DCC: variants seen among roughly 807,000 people sequenced by gnomAD.
The protein encoded by DCC is DCC netrin 1 receptor, also known as netrin receptor DCC.
Under a neutral mutation model 172.5 loss-of-function variants are expected in DCC, and 58 were observed. The observed-to-expected ratio is 0.34, with a 90% CI of 0.27 to 0.42. The LOEUF (loss-of-function observed/expected upper bound fraction) is 0.42, where lower values mean the gene tolerates loss of function less well. Ranked by LOEUF, DCC falls within the 10% of genes least tolerant of loss-of-function variation. The pLI, the probability that DCC is intolerant of heterozygous loss-of-function variation, is 1.00. For synonymous variants in DCC, 709 were observed against 644.5 expected (o/e 1.10, Z -1.52); for missense variants, 1,740 against 1,791.0 (o/e 0.97, Z 0.51).
chr18:52,920,162 G>A (rs1416169521), intron 3 of DCC, among the ~76,000 whole-genome samples: 1 of 151,916 alleles, frequency 6.6e-6, no homozygotes, highest in African/African-American at 2.4e-5. Flanking sequence ...ATTTGGCAAT[G>A]CATTTCTAGG....
At chr18:52,972,784 G>T (rs111554589) in intron 5 of DCC, among the ~76,000 whole-genome samples, 1 of 152,160 alleles carries the variant, frequency 6.6e-6, no homozygotes. Context: ...TGCCATTGAA[G>T]AGAAGACATA....
intron 7 of DCC, among the ~76,000 whole-genome samples, chr18:53,116,786 C>A (rs972187078): frequency 2.6e-5 from 4 of 151,652 alleles, no homozygotes; most frequent in Non-Finnish European, 4.4e-5. Flanking sequence ...ATATTTCTCA[C>A]CTTTTCTTGA....
chr18:53,353,026 G>A (rs897402889), intron 15 of DCC, among the ~76,000 whole-genome samples: 3 of 150,922 alleles, frequency 2.0e-5, no homozygotes, highest in Admixed American at 6.6e-5. Flanking sequence ...ATTTAAAGTG[G>A]GGTGGTTTGA....
At position 52,719,809 on chromosome 18, in the gene DCC, G is replaced by A. The variant is rs146505539; in HGVS notation, c.92-32245G>A. Among the ~76,000 whole-genome samples, 17 of 152,272 alleles carry A rather than the reference G, an allele frequency of 1.1e-4. No homozygotes were observed. The East Asian group carries it at 3.3e-3, about 29-fold the overall frequency. The stretch of plus-strand genomic sequence containing the variant: ...GACTGGAGAATAACACTCCAGGTAG[G>A]CAGAGTGGTGAGTTCAAGGGGCGGG... On this transcript the variant is annotated intron_variant, in intron 1 of 28. Coordinates refer to ENST00000442544, the MANE Select transcript of DCC (RefSeq NM_005215.4).
intron 1 of DCC, among the ~76,000 whole-genome samples, chr18:52,731,379 G>A (rs2036639253): frequency 6.6e-6 from 1 of 152,176 alleles, no homozygotes; most frequent in Non-Finnish European, 1.5e-5. Context: ...GGAAAAAAAT[G>A]CACAAAGAGA....
At chr18:53,108,387 C>T (rs935062057) in intron 7 of DCC, among the ~76,000 whole-genome samples, 1 of 151,770 alleles carries the variant, frequency 6.6e-6, no homozygotes, top group Non-Finnish European at 1.5e-5. Context: ...TGTATCCACA[C>T]ATTTCTACAG....
intron 5 of DCC, among the ~76,000 whole-genome samples, chr18:53,058,074 A>G (rs1431155021): frequency 2.6e-5 from 4 of 152,138 alleles, no homozygotes; most frequent in Admixed American, 2.0e-4. Flanking sequence ...ATGCAATTCC[A>G]GACAGAAATC....
At chr18:53,433,736 T>C (rs1911770674) in intron 21 of DCC, among the ~76,000 whole-genome samples, 1 of 152,142 alleles carries the variant, frequency 6.6e-6, no homozygotes, top group Non-Finnish European at 1.5e-5. Context: ...ATTTTCACAA[T>C]TTCAGCTCAT....
chr18:53,030,831 T>C (rs1014792425), intron 5 of DCC, among the ~76,000 whole-genome samples: 3 of 152,154 alleles, frequency 2.0e-5, no homozygotes, highest in African/African-American at 7.2e-5. Context: ...GGAGAAACAG[T>C]GAAATGAAAT....
At chr18:52,341,894 C>G (rs529083525) in intron 1 of DCC, among the ~76,000 whole-genome samples, 3 of 151,996 alleles carry the variant, frequency 2.0e-5, no homozygotes, top group South Asian at 4.1e-4. Context: ...GAGAGCCCTT[C>G]GGAAACGACC....
chr18:52,769,798 G>T (rs531777150), intron 2 of DCC, among the ~76,000 whole-genome samples: 6 of 152,156 alleles, frequency 3.9e-5, no homozygotes, highest in Admixed American at 3.3e-4. Context: ...TTTTTCTTTT[G>T]CATGATGATG....
At position 53,057,064 on chromosome 18, in the gene DCC, A is replaced by T. The variant is rs2042416309; in HGVS notation, c.986-6241A>T. 2.7e-5 allele frequency among the ~76,000 whole-genome samples: 4 copies of T among 145,868 alleles called. No individual in the cohort carries two copies. The Admixed American group carries it at 2.8e-4, about 10-fold the overall frequency. On this transcript the variant is annotated intron_variant, in intron 5 of 28. Coordinates refer to ENST00000442544, the MANE Select transcript of DCC (RefSeq NM_005215.4). ...CTGGAAAAGAATAGCTGAATAGCTAAGTAACTTCTAAAAGTAAAAAAAAAA... is the reference window on the plus strand; with the variant it reads ...CTGGAAAAGAATAGCTGAATAGCTATGTAACTTCTAAAAGTAAAAAAAAAA...
At chr18:53,481,539 G>T (rs1038246573) in intron 25 of DCC, among the ~76,000 whole-genome samples, 8 of 152,120 alleles carry the variant, frequency 5.3e-5, no homozygotes, top group Non-Finnish European at 1.0e-4. Flanking sequence ...ATTTCCAAAT[G>T]TCCCAGATAA....
At chr18:52,473,082 A>C (rs1017741762) in intron 1 of DCC, among the ~76,000 whole-genome samples, 2 of 152,184 alleles carry the variant, frequency 1.3e-5, no homozygotes, top group Admixed American at 6.5e-5. Flanking sequence ...TTGTTTTCAA[A>C]ATCACCTGTT....
intron 5 of DCC, among the ~76,000 whole-genome samples, chr18:52,981,918 G>A (rs1053553807): frequency 6.6e-6 from 1 of 152,040 alleles, no homozygotes; most frequent in African/African-American, 2.4e-5. Flanking sequence ...GATCTTGAAA[G>A]AAAAATAGAA....
intron 5 of DCC, among the ~76,000 whole-genome samples, chr18:52,976,375 G>T (rs369551264): frequency 6.6e-6 from 1 of 151,806 alleles, no homozygotes; most frequent in African/African-American, 2.4e-5. Context: ...GTCAATTTTT[G>T]CTTTTGTTGC....
At chr18:52,882,082 CT>C (rs2039494464) in intron 2 of DCC, among the ~76,000 whole-genome samples, 1 of 151,794 alleles carries the variant, frequency 6.6e-6, no homozygotes, top group Admixed American at 6.6e-5. Context: ...CTTTTTATTT[CT>C]TTTTCAGATT....
intron 1 of DCC, among the ~76,000 whole-genome samples, chr18:52,412,197 T>C (rs1986866871): frequency 6.6e-6 from 1 of 152,134 alleles, no homozygotes; most frequent in Admixed American, 6.6e-5. Flanking sequence ...TATGTGAGTG[T>C]ATGTGTCTGT....
chr18:52,581,277 C>T (rs1027705402), intron 1 of DCC, among the ~76,000 whole-genome samples: 14 of 127,816 alleles, frequency 1.1e-4, no homozygotes, highest in African/African-American at 3.5e-4. Flanking sequence ...GGCATCACTG[C>T]TTCATAAAGG....
Sources: allele counts gnomAD v4.1 joint callset (sites outside exome capture counted in the v4.1 genomes callset), GRCh38; gene constraint gnomAD v4.1.1; transcripts MANE v1.5; gene names NCBI Gene and HGNC (gene_info 2026-07-23, HGNC 2026-07-21).